NARS2: variants seen among roughly 807,000 people sequenced by gnomAD.
NARS2 encodes asparaginyl-tRNA synthetase.
NARS2 carries 60 observed loss-of-function variants against 62.9 expected under a neutral mutation model. The observed-to-expected ratio is 0.95, with a 90% CI of 0.77 to 1.18. The LOEUF is 1.18. NARS2 is among the 50% of genes most tolerant of loss of function. The pLI is 0.00. For synonymous variants in NARS2, 196 were observed against 200.0 expected, an observed-to-expected ratio of 0.98 and a Z score of 0.17; for missense variants, 619 against 576.4, an observed-to-expected ratio of 1.07 and a Z score of -0.76.
chr11:78,447,073 G>C (rs545663293), intron 11 of NARS2, among the ~76,000 whole-genome samples: 88 of 149,398 alleles, frequency 5.9e-4, no homozygotes, highest in South Asian at 2.5e-3. Context: ...ACATACAAAT[G>C]ACTAACAGGT....
At chr11:78,527,292 T>C (rs1565259846) in intron 6 of NARS2, among the ~76,000 whole-genome samples, 2 of 152,146 alleles carry the variant, frequency 1.3e-5, no homozygotes, top group African/African-American at 2.4e-5. Flanking sequence ...AATGAAAACT[T>C]TGATACAAAT....
chr11:78,564,197 GTAA>G (rs944893065), intron 4 of NARS2, among the ~76,000 whole-genome samples: 33 of 150,406 alleles, frequency 2.2e-4, no homozygotes, highest in Admixed American at 1.2e-3. Flanking sequence ...ACTGTGCCCA[GTAA>G]TAATAATATT....
intron 8 of NARS2, 35 bp downstream of exon 8, chr11:78,478,550 T>C (rs370232388): frequency 4.0e-5 from 55 of 1,386,162 alleles, no homozygotes; most frequent in Non-Finnish European, 5.2e-5. Context: ...CATTAAACAG[T>C]AGATGTATTG....
At chr11:78,440,931 G>A (rs752104635) in intron 13 of NARS2, among the ~76,000 whole-genome samples, 160 bp downstream of exon 13, 7 of 152,184 alleles carry the variant, frequency 4.6e-5, no homozygotes, top group Non-Finnish European at 2.9e-5. Context: ...AAGGAAGTAA[G>A]TAATCTTCTG....
chr11:78,458,278 A>C (rs1858246906), intron 11 of NARS2, among the ~76,000 whole-genome samples: 1 of 152,162 alleles, frequency 6.6e-6, no homozygotes, highest in Admixed American at 6.5e-5. Context: ...AAAGGGGAAA[A>C]ATTTTATTAA....
intron 11 of NARS2, among the ~76,000 whole-genome samples, chr11:78,457,320 T>C (rs1022178808): frequency 6.6e-6 from 1 of 152,368 alleles, no homozygotes; most frequent in Non-Finnish European, 1.5e-5. Flanking sequence ...AGAAGGCACC[T>C]ATGAAACACA....
chr11:78,508,958 T>C (rs927276630), intron 6 of NARS2, among the ~76,000 whole-genome samples: 1 of 151,706 alleles, frequency 6.6e-6, no homozygotes, highest in African/African-American at 2.4e-5. Flanking sequence ...CTATTAAAAA[T>C]ACAAAAATCA....
chr11:78,572,651 T>C (rs562731795), intron 1 of NARS2, among the ~76,000 whole-genome samples: 2 of 152,294 alleles, frequency 1.3e-5, no homozygotes, highest in East Asian at 1.9e-4. Context: ...CTACCAACTA[T>C]CCTATTGCTA....
At chr11:78,557,380 A>G (rs1856391179) in intron 5 of NARS2, among the ~76,000 whole-genome samples, 1 of 152,230 alleles carries the variant, frequency 6.6e-6, no homozygotes, top group Non-Finnish European at 1.5e-5. Flanking sequence ...AATTCAACAC[A>G]ATGAATCTTG....
chr11:78,512,905 C>T (rs1774799286), intron 6 of NARS2, among the ~76,000 whole-genome samples: 1 of 152,102 alleles, frequency 6.6e-6, no homozygotes, highest in South Asian at 2.1e-4. Context: ...TTTCCTCAAG[C>T]ATTTATTCTT....
intron 2 of NARS2, among the ~76,000 whole-genome samples, 191 bp downstream of exon 2, chr11:78,571,144 A>G (rs1300935198): frequency 6.6e-6 from 1 of 152,180 alleles, no homozygotes; most frequent in Non-Finnish European, 1.5e-5. Flanking sequence ...GACAATGTCA[A>G]ATAGAGGAGG....
Position 78,528,872 on chromosome 11 carries a change from G to A in NARS2, c.659C>T (p.Ser220Leu). The A allele has an allele frequency of 6.2e-7, 1 of 1,612,444 alleles. No individual in the cohort carries two copies. Among genetic ancestry groups the A allele is most frequent in the South Asian group, 1.1e-5 (1 of 91,062 alleles). Residue 220 changes from serine to leucine, a missense_variant, in exon 6 of 14, where the codon TCA becomes TTA. Ser to Leu is a moderately radical substitution (Grantham distance 145). Coordinates refer to ENST00000281038, the MANE Select transcript of NARS2 (RefSeq NM_024678.6). ...FFNVPAFLTVSGQLHLEVMSG... is the reference protein window; with the variant it reads ...FFNVPAFLTVLGQLHLEVMSG... ...CATCACTTCTAGATGAAGTTGTCCT[G>A]AGACAGTTAAGAAAGCAGGAACATT...
At chr11:78,447,052 AAAAC>A (rs150081642) in intron 11 of NARS2, among the ~76,000 whole-genome samples, 3,249 of 152,158 alleles carry the variant, frequency 0.021, 116 homozygotes, top group African/African-American at 0.075. Context: ...TCTCAAAAAA[AAAAC>A]AAACAAACAT....
At chr11:78,449,497 T>C (rs974341780) in intron 11 of NARS2, among the ~76,000 whole-genome samples, 6 of 152,080 alleles carry the variant, frequency 3.9e-5, no homozygotes, top group Non-Finnish European at 8.8e-5. Context: ...AAAATTTTTT[T>C]TTCTCCCAAA....
At chr11:78,564,989 C>A (rs1167557776) in intron 4 of NARS2, among the ~76,000 whole-genome samples, 6 of 152,176 alleles carry the variant, frequency 3.9e-5, no homozygotes, top group African/African-American at 1.4e-4. Context: ...TATTACACAA[C>A]CTCTGCAAAT....
intron 4 of NARS2, among the ~76,000 whole-genome samples, chr11:78,561,301 G>A (rs1482871528): frequency 6.6e-6 from 1 of 152,178 alleles, no homozygotes; most frequent in African/African-American, 2.4e-5. Flanking sequence ...AAGTGAAAGC[G>A]GGTGGGGGAG....
At chr11:78,534,985 G>A (rs966604385) in intron 5 of NARS2, among the ~76,000 whole-genome samples, 1 of 152,192 alleles carries the variant, frequency 6.6e-6, no homozygotes, top group Non-Finnish European at 1.5e-5. Context: ...AATTAATACA[G>A]TATATTAGTG....
In NARS2 at chr11:78,493,084, G is replaced by A. The variant is rs1436165217; in HGVS notation, c.801C>T (p.Asp267=). Residue 267 remains aspartate, a synonymous_variant, in exon 7 of 14, where the codon GAC becomes GAT. Coordinates refer to ENST00000281038, the MANE Select transcript of NARS2 (RefSeq NM_024678.6). ...YMIEAEISFV[D]SLQDLMQVIE... ...CTACCTGCATAAGATCTTGAAGGCT[G>A]TCAACAAAAGAAATCTCTGCTTCTA... 5 of 1,612,820 alleles carry A rather than the reference G, an allele frequency of 3.1e-6. No individual in the cohort carries two copies. The highest frequency in any genetic ancestry group is 1.3e-5 in the African/African-American group (1 of 74,808).
At chr11:78,495,833 G>T (rs1860033739) in intron 6 of NARS2, among the ~76,000 whole-genome samples, 1 of 152,166 alleles carries the variant, frequency 6.6e-6, no homozygotes, top group Non-Finnish European at 1.5e-5. Flanking sequence ...GTTGGCAATA[G>T]TACAGTACAT....
Sources: allele counts gnomAD v4.1 joint callset (sites outside exome capture counted in the v4.1 genomes callset), GRCh38; gene constraint gnomAD v4.1.1; transcripts MANE v1.5; gene names NCBI Gene and HGNC (gene_info 2026-07-23, HGNC 2026-07-21).